TNNT2: variants seen among roughly 807,000 people sequenced by gnomAD.
TNNT2 encodes troponin T, cardiac muscle.
In TNNT2, 34 loss-of-function variants were observed where a neutral mutation model predicts 62.4. That is an observed-to-expected ratio of 0.54 (90% CI 0.41 to 0.72). The LOEUF is 0.72. TNNT2 is among the 30% of genes least tolerant of loss of function. The pLI is 0.00. For synonymous variants in TNNT2, 123 were observed against 127.2 expected (o/e 0.97, Z 0.22); for missense variants, 275 against 381.9 (o/e 0.72, Z 2.33).
At position 201,366,841 on chromosome 1, in the gene TNNT2, G is replaced by A. The variant is rs769040140; in HGVS notation, c.230C>T (p.Pro77Leu). Residue 77 changes from proline to leucine, a missense_variant, in exon 8 of 17, where the codon CCC becomes CTC. Coordinates refer to ENST00000656932, the MANE Select transcript of TNNT2 (RefSeq NM_001276345.2). ...DGPMEESKPK[P>L]RSFMPNLVPP... Reference sequence around the variant, plus strand: ...ACCCAGGTGCCTCCCCACTCACCTGGGCTTTGGTTTGGACTCCTCCATTGG... The same window carrying A: ...ACCCAGGTGCCTCCCCACTCACCTGAGCTTTGGTTTGGACTCCTCCATTGG... 5 of 1,614,032 alleles carry A rather than the reference G, an allele frequency of 3.1e-6. No homozygotes were observed. Among genetic ancestry groups the A allele is most frequent in the South Asian group, 1.1e-5 (1 of 91,068 alleles).
intron 4 of TNNT2, 120 bp downstream of exon 4, chr1:201,371,907 G>T: frequency 7.3e-7 from 1 of 1,360,886 alleles, no homozygotes. Flanking sequence ...TGTTGTTGGA[G>T]GATCTTGCTC....
intron 15 of TNNT2, chr1:201,360,785 A>G (rs1431165497): frequency 9.7e-6 from 2 of 205,916 alleles, no homozygotes; most frequent in Non-Finnish European, 9.9e-6. Context: ...GTGTCCTCTA[A>G]GCCATTTCCT....
chr1:201,366,824 G>A lies in TNNT2; in HGVS notation c.233+14C>T, dbSNP rs756530903. ...CCTCTGCTCCCGGCTCTACCCAGGT[G>A]CCTCCCCACTCACCTGGGCTTTGGT... On this transcript the variant is annotated intron_variant, in intron 8 of 16. Transcript: ENST00000656932. 1 of 1,614,006 alleles carries A rather than the reference G, an allele frequency of 6.2e-7. No homozygotes were observed. The highest frequency in any genetic ancestry group is 1.7e-5 in the Admixed American group (1 of 60,016).
At chr1:201,362,187 G>A in intron 13 of TNNT2, 165 bp from the exon 14 acceptor site, 1 of 1,204,074 alleles carries the variant, frequency 8.3e-7, no homozygotes, top group Non-Finnish European at 1.2e-6. Flanking sequence ...ATTCCCTAGG[G>A]AAACTGAGGT....
chr1:201,373,456 G>T lies in TNNT2; in HGVS notation c.-14-188C>A, dbSNP rs1437315764. The T allele has an allele frequency of 6.3e-6, 4 of 636,784 alleles. No homozygotes were observed. In the East Asian group the frequency reaches 8.3e-5, roughly 13 times the overall value. 39.4% of individuals were successfully genotyped at this position (636,784 alleles called of 1,614,324 possible). ...CTGGGGGAGATAGTGACACCCACAT[G>T]GCAGCAAGGCCACCTGCTGATGTCC... On this transcript the variant is annotated intron_variant, in intron 1 of 16. Coordinates refer to ENST00000656932, the MANE Select transcript of TNNT2 (RefSeq NM_001276345.2).
Position 201,361,369 on chromosome 1 carries a change from C to T in TNNT2, c.720G>A (p.Arg240=). 6.2e-7 allele frequency: 1 copy of T among 1,614,000 alleles called. No homozygotes were observed. The highest frequency in any genetic ancestry group is 8.5e-7 in the Non-Finnish European group (1 of 1,179,858). The change falls in exon 15 of 17, where the codon AGG becomes AGA. Residue 240 remains arginine, a splice_region_variant and synonymous_variant. Coordinates refer to ENST00000656932, the MANE Select transcript of TNNT2 (RefSeq NM_001276345.2). ...TCTGCCACAGCTCCTTGGCCTTCTC[C>T]CTGCACGGGCAAGGGTGAGAATGGG... ...AIDHLNEDQL[R]EKAKELWQSI...
intron 8 of TNNT2, chr1:201,365,966 T>A: frequency 3.1e-6 from 4 of 1,279,530 alleles, no homozygotes; most frequent in Non-Finnish European, 4.0e-6. Flanking sequence ...TAGAATGACT[T>A]GCTCAAAGCC....
chr1:201,359,067 G>A lies in TNNT2; in HGVS notation c.*143C>T, dbSNP rs1658094405. 1.0e-6 allele frequency: 1 copy of A among 987,098 alleles called. No homozygotes were observed. The highest frequency in any genetic ancestry group is 1.6e-6 in the Non-Finnish European group (1 of 638,426). The allele number at this position is 987,098 out of a possible 1,614,324, so 61.1% of individuals were successfully genotyped here. A position where few individuals can be genotyped will look rare whatever the true frequency, so the allele number is the denominator to read the frequency against. ...TGTGGAGTGGGTGTGGGGGCAGGCA[G>A]GAGTGGTGGCTCCCACCTAGGCCAG... On this transcript the variant is annotated 3_prime_UTR_variant, in exon 17 of 17. Transcript: ENST00000656932.
At position 201,377,645 on chromosome 1, in the gene TNNT2, G is replaced by T. The variant is rs1178200808; in HGVS notation, c.-37C>A. 2.2e-6 allele frequency: 1 copy of T among 456,322 alleles called. No homozygotes were observed. Among genetic ancestry groups the T allele is most frequent in the Non-Finnish European group, 4.4e-6 (1 of 226,986 alleles). 28.3% of individuals were successfully genotyped at this position (456,322 alleles called of 1,614,324 possible). Reference sequence around the variant, plus strand: ...TACCTCAGAACAGCAGCTGCCGACAGATCCTGGAGGCGTCTGCTCAGTCTC... The same window carrying T: ...TACCTCAGAACAGCAGCTGCCGACATATCCTGGAGGCGTCTGCTCAGTCTC... On this transcript the variant is annotated 5_prime_UTR_variant, in exon 1 of 17. It adds an upstream start codon to the 5' untranslated region. Coordinates refer to ENST00000656932, the MANE Select transcript of TNNT2 (RefSeq NM_001276345.2).
In TNNT2 at chr1:201,359,024, G is replaced by C; in HGVS notation, c.*186C>G. On this transcript the variant is annotated 3_prime_UTR_variant, in exon 17 of 17. Transcript: ENST00000656932. The stretch of plus-strand genomic sequence containing the variant: ...TGACAGAAATGCCAGTCAGTGTGTG[G>C]TGGCTTTTTATTACTGGTGTGGAGT... 1.4e-6 allele frequency: 1 copy of C among 694,978 alleles called. No homozygotes were observed. The highest frequency in any genetic ancestry group is 2.5e-6 in the Non-Finnish European group (1 of 392,922). The allele number at this position is 694,978 out of a possible 1,614,324, so 43.1% of individuals were successfully genotyped here. A position where few individuals can be genotyped will look rare whatever the true frequency, so the allele number is the denominator to read the frequency against.
At chr1:201,367,644 C>T in intron 7 of TNNT2, 127 bp downstream of exon 7, 1 of 1,084,564 alleles carries the variant, frequency 9.2e-7, no homozygotes, top group Non-Finnish European at 1.4e-6. Context: ...CAAGTTCTGT[C>T]CTCTCCTCTC....
chr1:201,368,656 C>T (rs1247973558), intron 5 of TNNT2, among the ~76,000 whole-genome samples: 2 of 152,220 alleles, frequency 1.3e-5, no homozygotes, highest in Admixed American at 1.3e-4. Context: ...ATATCTGGAT[C>T]TTCGTACTAT....
At chr1:201,376,042 G>A (rs192437322) in intron 1 of TNNT2, among the ~76,000 whole-genome samples, 31 of 152,306 alleles carry the variant, frequency 2.0e-4, no homozygotes, top group Non-Finnish European at 3.4e-4. Context: ...TGAGACTGGG[G>A]GCTGCAGAAT....
Position 201,368,312 on chromosome 1 carries a change from G to A in TNNT2, c.98-85C>T, listed in dbSNP as rs1660052615. The A allele has an allele frequency of 1.4e-5, 19 of 1,401,478 alleles. No homozygotes were observed. The South Asian group carries it at 1.8e-4, about 13-fold the overall frequency. The allele number at this position is 1,401,478 out of a possible 1,614,324, so 86.8% of individuals were successfully genotyped here. ...CCCAGAGCAGAGAATGGGCAGCGGG[G>A]AGTGGGGATGGGGGTCAAGACGTCT... On this transcript the variant is annotated intron_variant, in intron 5 of 16. Coordinates refer to ENST00000656932, the MANE Select transcript of TNNT2 (RefSeq NM_001276345.2).
chr1:201,366,744 C>A, intron 8 of TNNT2, 94 bp downstream of exon 8: 1 of 1,610,748 alleles, frequency 6.2e-7, no homozygotes. Context: ...AACCCCCAGC[C>A]CGTGTCCACT....
At chr1:201,360,031 C>A (rs1658321886) in intron 15 of TNNT2, among the ~76,000 whole-genome samples, 1 of 152,222 alleles carries the variant, frequency 6.6e-6, no homozygotes, top group South Asian at 2.1e-4. Context: ...CCCTGCCCAG[C>A]TGCCCACCAT....
intron 1 of TNNT2, among the ~76,000 whole-genome samples, chr1:201,377,166 G>A (rs1029277045): frequency 6.6e-6 from 1 of 152,198 alleles, no homozygotes; most frequent in Admixed American, 6.5e-5. Flanking sequence ...TCTGCTCCCT[G>A]GGACTCAAGA....
chr1:201,372,187 C>A (rs746295192), intron 2 of TNNT2, 32 bp from the exon 3 acceptor site: 49 of 1,613,902 alleles, frequency 3.0e-5, no homozygotes, highest in Non-Finnish European at 3.7e-5. Flanking sequence ...GTCAGTAGCT[C>A]GCACACAAGC....
chr1:201,363,332 C>G lies in TNNT2; in HGVS notation c.564G>C (p.Leu188Phe), dbSNP rs201270895. 3.1e-6 allele frequency: 5 copies of G among 1,614,174 alleles called. No homozygotes were observed. The highest frequency in any genetic ancestry group is 2.5e-6 in the Non-Finnish European group (3 of 1,180,026). ...AEDEARKKKALSNMMHFGGYI... is the reference protein window; with the variant it reads ...AEDEARKKKAFSNMMHFGGYI... Reference sequence around the variant, plus strand: ...AACCCCCAAAATGCATCATGTTGGACAAAGCCTTCTTCTTCCGGGCCTCAT... The same window carrying G: ...AACCCCCAAAATGCATCATGTTGGAGAAAGCCTTCTTCTTCCGGGCCTCAT... Residue 188 changes from leucine (L) to phenylalanine (F), a missense_variant, in exon 12 of 17, where the codon TTG (leucine) becomes TTC (phenylalanine). By Grantham distance (22) the Leu-to-Phe change is conservative. Transcript: ENST00000656932.
Sources: allele counts gnomAD v4.1 joint callset (sites outside exome capture counted in the v4.1 genomes callset), GRCh38; gene constraint gnomAD v4.1.1; transcripts MANE v1.5; gene names NCBI Gene and HGNC (gene_info 2026-07-23, HGNC 2026-07-21).